SYN2: variants seen among roughly 807,000 people sequenced by gnomAD.
SYN2 encodes synapsin II.
Under a neutral mutation model 50.9 loss-of-function variants are expected in SYN2, and 19 were observed. That is an observed-to-expected ratio of 0.37 (90% CI 0.26 to 0.55). The LOEUF is 0.55. Ranked by LOEUF, SYN2 falls within the 20% of genes least tolerant of loss-of-function variation. The pLI is 0.81. For missense variants in SYN2, 587 were observed against 576.4 expected (o/e 1.02, Z -0.19); for synonymous variants, 255 against 224.9 (o/e 1.13, Z -1.20).
At chr3:12,095,841 A>T (rs1157068547) in intron 1 of SYN2, among the ~76,000 whole-genome samples, 1 of 151,988 alleles carries the variant, frequency 6.6e-6, no homozygotes, top group Non-Finnish European at 1.5e-5. Flanking sequence ...CATAGATTTC[A>T]TACCATCTTG....
intron 10 of SYN2, among the ~76,000 whole-genome samples, chr3:12,177,026 G>A (rs915396945): frequency 7.2e-5 from 11 of 152,146 alleles, no homozygotes; most frequent in Non-Finnish European, 1.5e-4. Context: ...CTCCTTCCAA[G>A]CCTGACATGC....
intron 11 of SYN2, chr3:12,185,014 C>T: frequency 1.0e-6 from 1 of 985,830 alleles, no homozygotes; most frequent in Non-Finnish European, 1.2e-6. Flanking sequence ...TATCCAGGGG[C>T]TTGTGCCTTG....
chr3:12,102,018 A>G (rs1172429865), intron 1 of SYN2, among the ~76,000 whole-genome samples: 1 of 152,162 alleles, frequency 6.6e-6, no homozygotes, highest in East Asian at 1.9e-4. Context: ...GATAAGAGGT[A>G]AAGGAAAAAT....
chr3:12,131,394 C>T (rs562863952), intron 1 of SYN2, among the ~76,000 whole-genome samples: 15 of 152,206 alleles, frequency 9.9e-5, no homozygotes, highest in Non-Finnish European at 2.1e-4. Context: ...CTGCAGTATT[C>T]AAGATGCTAG....
chr3:12,167,514 T>C (rs1436250455), intron 8 of SYN2, among the ~76,000 whole-genome samples: 1 of 152,072 alleles, frequency 6.6e-6, no homozygotes, highest in African/African-American at 2.4e-5. Flanking sequence ...GCACATACCA[T>C]AGGTAAAAGC....
chr3:12,184,445 T>C (rs1203605328), intron 11 of SYN2: 1 of 985,784 alleles, frequency 1.0e-6, no homozygotes, highest in Non-Finnish European at 1.2e-6. Context: ...TGTCAGGGAT[T>C]TGTCCATTCT....
Position 12,037,297 on chromosome 3 carries a change from C to G in SYN2, c.377+32369C>G, listed in dbSNP as rs536710158. On this transcript the variant is annotated intron_variant, in intron 1 of 12. Coordinates refer to ENST00000621198, the MANE Select transcript of SYN2 (RefSeq NM_133625.6). ...GCCTGCTTCTCCAGATTCTTCTAGT[C>G]TCTACCTATTATCCATTTTTAAAGC... Among the ~76,000 whole-genome samples the G allele has an allele frequency of 3.9e-5, 6 of 152,298 alleles. No individual in the cohort carries two copies. The East Asian group carries it at 1.2e-3, about 29-fold the overall frequency.
At chr3:12,110,417 A>C (rs1261816615) in intron 1 of SYN2, among the ~76,000 whole-genome samples, 1 of 152,052 alleles carries the variant, frequency 6.6e-6, no homozygotes, top group Admixed American at 6.5e-5. Context: ...CTGTTGGTGG[A>C]TCTGCCATTA....
rs534763926 is a variant in SYN2, at chr3:12,134,738, A to T, written c.378-5913A>T. On this transcript the variant is annotated intron_variant, in intron 1 of 12. Coordinates refer to ENST00000621198, the MANE Select transcript of SYN2 (RefSeq NM_133625.6). ...TCCACTGTACATCCTCCTGGACTAT[A>T]TGAAACTTTTATTATTGTTTTAGTT... is the stretch of plus-strand genomic sequence containing the variant. Among the ~76,000 whole-genome samples, 7 of 152,342 alleles carry T rather than the reference A, an allele frequency of 4.6e-5. No homozygotes were observed. In the South Asian group the frequency reaches 1.4e-3, roughly 32 times the overall value.
intron 2 of SYN2, 67 bp from the exon 3 acceptor site, chr3:12,141,835 TTGC>T (rs1174558137): frequency 9.1e-6 from 7 of 768,670 alleles, no homozygotes; most frequent in African/African-American, 1.7e-5. Context: ...GGTAGGGATG[TTGC>T]TGCTGCTATG....
At position 12,191,206 on chromosome 3, in the gene SYN2, C is replaced by T. The variant is rs1385938424; in HGVS notation, c.*581C>T. On this transcript the variant is annotated 3_prime_UTR_variant, in exon 13 of 13. Transcript: ENST00000621198. The stretch of plus-strand genomic sequence containing the variant: ...GAAGCACCTTGAGTCTGCTGATATT[C>T]GGGAGAACAAGGATCTGCAGTTTCC... 10 of 982,594 alleles carry T rather than the reference C, an allele frequency of 1.0e-5. No individual in the cohort carries two copies. Among genetic ancestry groups the T allele is most frequent in the East Asian group, 1.1e-4 (1 of 8,816 alleles). 60.9% of individuals were successfully genotyped at this position (982,594 alleles called of 1,614,324 possible).
At chr3:12,184,710 T>G (rs534298711) in intron 11 of SYN2, 1 of 985,870 alleles carries the variant, frequency 1.0e-6, no homozygotes. Flanking sequence ...ACCAGTTTGT[T>G]CTCTTCCCTC....
intron 1 of SYN2, among the ~76,000 whole-genome samples, chr3:12,060,225 T>C (rs1424940811): frequency 1.3e-5 from 2 of 152,196 alleles, no homozygotes; most frequent in East Asian, 1.9e-4. Flanking sequence ...CACATTTTTA[T>C]AGATTTTACT....
chr3:12,130,897 T>C (rs774682905), intron 1 of SYN2, among the ~76,000 whole-genome samples: 1 of 152,220 alleles, frequency 6.6e-6, no homozygotes, highest in Non-Finnish European at 1.5e-5. Flanking sequence ...GAGGAGAAAC[T>C]ACTGCAGGAG....
At chr3:12,025,173 G>A (rs1212064252) in intron 1 of SYN2, among the ~76,000 whole-genome samples, 1 of 151,668 alleles carries the variant, frequency 6.6e-6, no homozygotes, top group African/African-American at 2.4e-5. Flanking sequence ...TCATGGGGGG[G>A]GAGGGGCTCT....
Position 12,101,022 on chromosome 3 carries a change from C to G in SYN2, c.378-39629C>G, listed in dbSNP as rs112635489. Among the ~76,000 whole-genome samples the G allele has an allele frequency of 1.1e-4, 16 of 152,242 alleles. 2 individuals carry two copies. Among genetic ancestry groups the G allele is most frequent in the African/African-American group, 3.6e-4 (15 of 41,556 alleles). ...GTGAAGAAATGGGAATCCTCATACA[C>G]CACTACTGGGAATGCAAAATGTTGA... On this transcript the variant is annotated intron_variant, in intron 1 of 12. Coordinates refer to ENST00000621198, the MANE Select transcript of SYN2 (RefSeq NM_133625.6).
At chr3:12,170,283 G>C (rs1016125600) in intron 10 of SYN2, among the ~76,000 whole-genome samples, 9 of 152,188 alleles carry the variant, frequency 5.9e-5, no homozygotes, top group Non-Finnish European at 1.3e-4. Flanking sequence ...TCTATTCACT[G>C]CTTCACTGTG....
At chr3:12,097,601 A>T (rs1265389124) in intron 1 of SYN2, among the ~76,000 whole-genome samples, 2 of 146,590 alleles carry the variant, frequency 1.4e-5, no homozygotes, top group East Asian at 3.9e-4. Flanking sequence ...GCGAGACTCC[A>T]TCTCAACAAA....
intron 1 of SYN2, among the ~76,000 whole-genome samples, chr3:12,010,331 G>A (rs1252176518): frequency 1.6e-4 from 24 of 151,200 alleles, no homozygotes; most frequent in Admixed American, 1.6e-3. Context: ...AAGGAATGGA[G>A]GCCTAAATAG....
Sources: gnomAD v4.1 joint callset for allele counts (sites outside exome capture counted in the v4.1 genomes callset) on GRCh38, gnomAD v4.1.1 for gene constraint, MANE v1.5 for transcripts, NCBI Gene and HGNC (gene_info 2026-07-23, HGNC 2026-07-21) for gene names.